The following OR51B5 variants were observed in gnomAD, a reference collection of about 807,000 sequenced individuals.
The protein encoded by OR51B5 is olfactory receptor family 51 subfamily B member 5, also known as olfactory receptor 51B5.
For synonymous variants in OR51B5, 186 were observed against 144.8 expected (o/e 1.28, Z -2.04); for missense variants, 456 against 374.6 (o/e 1.22, Z -1.79).
At chr11:5,457,222 A>G (rs1010357674) in intron 1 of OR51B5, among the ~76,000 whole-genome samples, 20 of 152,148 alleles carry the variant, frequency 1.3e-4, no homozygotes, top group African/African-American at 4.6e-4. Flanking sequence ...TTATATGTGA[A>G]AAGAGGTGGT....
chr11:5,363,026 C>CAAA (rs1849308894), intron 1 of OR51B5, among the ~76,000 whole-genome samples: 1 of 150,826 alleles, frequency 6.6e-6, no homozygotes, highest in African/African-American at 2.4e-5. Flanking sequence ...AGGTTGAAAA[C>CAAA]AAGGAAAAGG....
chr11:5,348,286 AATT>A (rs2133683948), upstream of OR51B5, among the ~76,000 whole-genome samples: 1 of 152,216 alleles, frequency 6.6e-6, no homozygotes, highest in East Asian at 1.9e-4. Flanking sequence ...CTCAGGCATG[AATT>A]ATGGGGTTGT....
At chr11:5,450,301 A>G (rs1235510543) in intron 1 of OR51B5, among the ~76,000 whole-genome samples, 2 of 152,124 alleles carry the variant, frequency 1.3e-5, no homozygotes, top group Admixed American at 6.5e-5. Flanking sequence ...GGGCACAAGA[A>G]TCACCTGAAC....
intron 1 of OR51B5, among the ~76,000 whole-genome samples, chr11:5,417,339 G>C (rs1162025271): frequency 6.6e-6 from 1 of 151,722 alleles, no homozygotes; most frequent in Non-Finnish European, 1.5e-5. Context: ...AGAAAACCTA[G>C]GCATTACCAT....
intron 1 of OR51B5, among the ~76,000 whole-genome samples, chr11:5,394,459 T>C (rs1309782254): frequency 6.6e-6 from 1 of 152,186 alleles, no homozygotes; most frequent in Non-Finnish European, 1.5e-5. Flanking sequence ...CTGCTTTAAA[T>C]CATCTGGCCC....
chr11:5,389,396 G>A (rs1017099356), intron 1 of OR51B5: 7 of 1,610,036 alleles, frequency 4.3e-6, no homozygotes, highest in Admixed American at 3.3e-5. Flanking sequence ...CAATCCCCGA[G>A]GAATGTCAGT....
chr11:5,405,184 A>G (rs903550739), intron 1 of OR51B5, among the ~76,000 whole-genome samples: 3 of 152,174 alleles, frequency 2.0e-5, no homozygotes, highest in African/African-American at 7.2e-5. Context: ...ATATACTAAG[A>G]ACTTTATTAT....
chr11:5,468,528 A>C, intron 1 of OR51B5: 1 of 371,686 alleles, frequency 2.7e-6, no homozygotes, highest in Non-Finnish European at 5.4e-6. Context: ...GTCTCCTGCG[A>C]ATCTCCTTAG....
rs763044389 is a variant in OR51B5 at position 5,505,304 on chromosome 11, G to A, written n.84+265C>T. On this transcript the variant is annotated intron_variant and non_coding_transcript_variant, in intron 1 of 4. Transcript: ENST00000415970. ...GGACTTCCAAGGATGGAAATTTGGGGTTCAATGTATATCTTCCCCAGTCAG... is the reference window on the plus strand; with the variant it reads ...GGACTTCCAAGGATGGAAATTTGGGATTCAATGTATATCTTCCCCAGTCAG... 2.2e-4 allele frequency: 292 copies of A among 1,299,328 alleles called. 1 individual carries two copies. Among genetic ancestry groups the A allele is most frequent in the Non-Finnish European group, 2.7e-4 (271 of 987,754 alleles). 80.5% of individuals were successfully genotyped at this position (1,299,328 alleles called of 1,614,324 possible). A position where few individuals can be genotyped will look rare whatever the true frequency, so the allele number is the denominator to read the frequency against.
At chr11:5,361,113 A>G (rs904193569) in intron 1 of OR51B5, among the ~76,000 whole-genome samples, 26 of 151,658 alleles carry the variant, frequency 1.7e-4, no homozygotes, top group African/African-American at 4.9e-4. Flanking sequence ...CACGTTGTGC[A>G]AATGTACCCT....
At chr11:5,504,650 T>A (rs775121238) in intron 1 of OR51B5, among the ~76,000 whole-genome samples, 1 of 152,196 alleles carries the variant, frequency 6.6e-6, no homozygotes, top group Non-Finnish European at 1.5e-5. Context: ...TCCTGTGACA[T>A]CTTTAATTTG....
At chr11:5,351,358 G>A in intron 1 of OR51B5, 1 of 624,094 alleles carries the variant, frequency 1.6e-6, no homozygotes, top group Non-Finnish European at 2.8e-6. Context: ...GGATCTCCCA[G>A]GAATGACTAA....
intron 1 of OR51B5, among the ~76,000 whole-genome samples, chr11:5,410,636 G>C (rs772944184): frequency 3.3e-5 from 5 of 152,062 alleles, no homozygotes; most frequent in Non-Finnish European, 7.4e-5. Context: ...CTGTAAAAAA[G>C]ACTCAGGTAG....
chr11:5,423,220 A>C, intron 1 of OR51B5: 1 of 1,440,242 alleles, frequency 6.9e-7, no homozygotes, highest in Non-Finnish European at 9.2e-7. Context: ...TATATTCAGA[A>C]TTAGGAAACT....
chr11:5,431,855 A>T (rs1446677223), intron 1 of OR51B5, among the ~76,000 whole-genome samples: 8 of 152,226 alleles, frequency 5.3e-5, no homozygotes, highest in Non-Finnish European at 1.5e-5. Context: ...AGACTGCTCC[A>T]TCTTTTTAAG....
chr11:5,368,160 C>A (rs1330493268), intron 1 of OR51B5, among the ~76,000 whole-genome samples: 4 of 152,176 alleles, frequency 2.6e-5, no homozygotes, highest in Non-Finnish European at 4.4e-5. Flanking sequence ...AACTATGAAC[C>A]AGCATGAAAA....
intron 1 of OR51B5, among the ~76,000 whole-genome samples, chr11:5,470,631 T>A (rs905023113): frequency 1.3e-5 from 2 of 152,216 alleles, no homozygotes; most frequent in Admixed American, 1.3e-4. Context: ...ATGTCAATTA[T>A]CATGTTTTAT....
At chr11:5,432,992 T>C (rs1173381504) in intron 1 of OR51B5, among the ~76,000 whole-genome samples, 1 of 152,126 alleles carries the variant, frequency 6.6e-6, no homozygotes, top group African/African-American at 2.4e-5. Context: ...GGGAAAAATG[T>C]TTTGAATGAA....
intron 1 of OR51B5, among the ~76,000 whole-genome samples, chr11:5,465,205 CAAAAAAAAAAAA>C (rs34459420): frequency 6.6e-5 from 3 of 45,428 alleles, no homozygotes; most frequent in South Asian, 3.2e-3. Context: ...GACTCCGTCT[CAAAAAAAAAAAA>C]AAAAAAAAAA....
Sources: allele counts gnomAD v4.1 joint callset (sites outside exome capture counted in the v4.1 genomes callset), GRCh38; gene constraint gnomAD v4.1.1; transcripts MANE v1.5; gene names NCBI Gene and HGNC (gene_info 2026-07-23, HGNC 2026-07-21).